ALK: variants seen among roughly 807,000 people sequenced by gnomAD.
The protein encoded by ALK is ALK receptor tyrosine kinase.
In ALK, 74 loss-of-function variants were observed where a neutral mutation model predicts 163.1. That is an observed-to-expected ratio of 0.45 (90% CI 0.38 to 0.55). The LOEUF (loss-of-function observed/expected upper bound fraction) is 0.55, where lower values mean the gene tolerates loss of function less well. Ranked by LOEUF, ALK falls within the 20% of genes least tolerant of loss-of-function variation. The pLI, the probability that ALK is intolerant of heterozygous loss-of-function variation, is 0.00. For synonymous variants in ALK, 960 were observed against 843.2 expected, an observed-to-expected ratio of 1.14 and a Z score of -2.40; for missense variants, 2,063 against 2,105.3, an observed-to-expected ratio of 0.98 and a Z score of 0.39.
chr2:29,861,328 A>T (rs1184881453), intron 1 of ALK, among the ~76,000 whole-genome samples: 2 of 152,216 alleles, frequency 1.3e-5, no homozygotes, highest in Admixed American at 6.5e-5. Flanking sequence ...CAGATACTTG[A>T]AAAACAATAG....
chr2:29,732,802 C>T (rs1679782209), intron 1 of ALK, among the ~76,000 whole-genome samples: 1 of 152,126 alleles, frequency 6.6e-6, no homozygotes, highest in Admixed American at 6.5e-5. Flanking sequence ...CAGGCCCTCA[C>T]CAGACACTCA....
chr2:29,526,832 CT>C (rs1422655640), intron 4 of ALK, among the ~76,000 whole-genome samples: 1 of 152,224 alleles, frequency 6.6e-6, no homozygotes, highest in African/African-American at 2.4e-5. Context: ...AATCAGGTCC[CT>C]TTTCAGAAGC....
intron 5 of ALK, among the ~76,000 whole-genome samples, chr2:29,329,217 GT>G (rs1216058412): frequency 6.6e-6 from 1 of 152,210 alleles, no homozygotes; most frequent in African/African-American, 2.4e-5. Context: ...AACATACAGA[GT>G]TATCAGTTTC....
intron 1 of ALK, among the ~76,000 whole-genome samples, chr2:29,885,394 G>A (rs1164861924): frequency 6.6e-6 from 1 of 152,140 alleles, no homozygotes; most frequent in Non-Finnish European, 1.5e-5. Context: ...ACGAAAGTCT[G>A]AAAGGATTAC....
chr2:29,482,267 G>A (rs1436728715), intron 4 of ALK, among the ~76,000 whole-genome samples: 1 of 152,182 alleles, frequency 6.6e-6, no homozygotes, highest in East Asian at 1.9e-4. Context: ...GCCATGAGCA[G>A]GGGAGTTATT....
chr2:29,417,017 T>C (rs1669897838), intron 4 of ALK, among the ~76,000 whole-genome samples: 1 of 142,038 alleles, frequency 7.0e-6, no homozygotes, highest in Non-Finnish European at 1.5e-5. Context: ...AGATGGAGTC[T>C]TGCTCTGTCA....
At chr2:29,782,465 C>T (rs72788232) in intron 1 of ALK, among the ~76,000 whole-genome samples, 4,542 of 152,196 alleles carry the variant, frequency 0.03, 80 homozygotes, top group East Asian at 0.079. Flanking sequence ...TTTGGTGCCC[C>T]GCACCCATTC....
chr2:29,521,009 TCC>T (rs1672796368), intron 4 of ALK, among the ~76,000 whole-genome samples: 1 of 152,176 alleles, frequency 6.6e-6, no homozygotes, highest in Non-Finnish European at 1.5e-5. Flanking sequence ...GCAAGGAACG[TCC>T]CACAGAATGA....
chr2:29,389,130 T>C (rs1332938225), intron 4 of ALK, among the ~76,000 whole-genome samples: 1 of 152,236 alleles, frequency 6.6e-6, no homozygotes, highest in Non-Finnish European at 1.5e-5. Context: ...AGCTAAAGTA[T>C]TGGATGCTCT....
At position 29,786,973 on chromosome 2, in the gene ALK, T is replaced by A. The variant is rs187962189; in HGVS notation, c.668-69276A>T. Among the ~76,000 whole-genome samples, 4 of 152,256 alleles carry A rather than the reference T, an allele frequency of 2.6e-5. No individual in the cohort carries two copies. In the East Asian group the frequency reaches 7.7e-4, roughly 29 times the overall value. On this transcript the variant is annotated intron_variant, in intron 1 of 28. Coordinates refer to ENST00000389048, the MANE Select transcript of ALK (RefSeq NM_004304.5). ...ACCACGCCTGGCTAATTTTTTGTAT[T>A]TTTAGTAAAGACAGGGTTTCACCAT...
chr2:29,538,273 G>A (rs938878285), intron 3 of ALK, among the ~76,000 whole-genome samples: 5 of 152,178 alleles, frequency 3.3e-5, no homozygotes, highest in African/African-American at 7.2e-5. Flanking sequence ...CAATGTTGGA[G>A]GTGGAGTCTG....
chr2:29,430,448 G>T (rs1297043620), intron 4 of ALK, among the ~76,000 whole-genome samples: 1 of 152,236 alleles, frequency 6.6e-6, no homozygotes, highest in Non-Finnish European at 1.5e-5. Context: ...TTTTAGGCTT[G>T]AGGGCCATAC....
chr2:29,403,297 C>T (rs1389804413), intron 4 of ALK, among the ~76,000 whole-genome samples: 1 of 152,134 alleles, frequency 6.6e-6, no homozygotes, highest in Non-Finnish European at 1.5e-5. Flanking sequence ...AAGACTTACT[C>T]ACTATGCCTC....
At chr2:29,451,564 A>G (rs1056581626) in intron 4 of ALK, among the ~76,000 whole-genome samples, 16 of 152,074 alleles carry the variant, frequency 1.1e-4, no homozygotes, top group African/African-American at 3.4e-4. Flanking sequence ...TCAAACTTCC[A>G]TTGGACATAA....
intron 3 of ALK, among the ~76,000 whole-genome samples, chr2:29,553,729 G>T (rs1243212817): frequency 6.6e-6 from 1 of 152,210 alleles, no homozygotes; most frequent in African/African-American, 2.4e-5. Context: ...ATGCACGGCA[G>T]TACCTGTTTC....
chr2:29,511,661 A>C (rs72794488), intron 4 of ALK, among the ~76,000 whole-genome samples: 2 of 151,908 alleles, frequency 1.3e-5, no homozygotes, highest in Non-Finnish European at 2.9e-5. Context: ...CCAGACAGGG[A>C]GTAGAATGGC....
chr2:29,842,311 T>A (rs530888749), intron 1 of ALK, among the ~76,000 whole-genome samples: 1 of 152,306 alleles, frequency 6.6e-6, no homozygotes, highest in South Asian at 2.1e-4. Context: ...TGACTTCAAG[T>A]AACAAGGGAT....
intron 3 of ALK, among the ~76,000 whole-genome samples, chr2:29,628,673 C>A (rs1021089828): frequency 1.3e-4 from 20 of 152,128 alleles, no homozygotes; most frequent in Non-Finnish European, 2.5e-4. Context: ...TGTCTGGCTA[C>A]CTTAACAATT....
At chr2:29,538,423 C>T (rs2148163804) in intron 3 of ALK, among the ~76,000 whole-genome samples, 1 of 152,262 alleles carries the variant, frequency 6.6e-6, no homozygotes, top group African/African-American at 2.4e-5. Flanking sequence ...CATTCTCTTT[C>T]ACTTGCTCTT....
Sources: allele counts gnomAD v4.1 joint callset (sites outside exome capture counted in the v4.1 genomes callset), GRCh38; gene constraint gnomAD v4.1.1; transcripts MANE v1.5; gene names NCBI Gene and HGNC (gene_info 2026-07-23, HGNC 2026-07-21).